The following DYNC1I1 variants were observed in gnomAD, a reference collection of about 807,000 sequenced individuals.
The protein encoded by DYNC1I1 is dynein cytoplasmic 1 intermediate chain 1.
A neutral mutation model predicts 86.6 loss-of-function variants in DYNC1I1; 43 were observed. That is an observed-to-expected ratio of 0.50 (90% confidence interval 0.39 to 0.64). The LOEUF is 0.64. Among genes scored for constraint, DYNC1I1 ranks in the 30% least tolerant of loss-of-function variants. The pLI is 0.00. For missense variants in DYNC1I1, 604 were observed against 788.8 expected, an observed-to-expected ratio of 0.77 and a Z score of 2.81; for synonymous variants, 262 against 283.7, an observed-to-expected ratio of 0.92 and a Z score of 0.77.
downstream of DYNC1I1, among the ~76,000 whole-genome samples, chr7:96,101,483 C>T (rs1791135762): frequency 6.6e-6 from 1 of 152,052 alleles, no homozygotes; most frequent in Non-Finnish European, 1.5e-5. Context: ...AGTCCTTCCC[C>T]AAAAGGACCT....
chr7:95,832,112 T>TC (rs1458662716), intron 5 of DYNC1I1, among the ~76,000 whole-genome samples: 1 of 75,554 alleles, frequency 1.3e-5, no homozygotes, highest in Non-Finnish European at 2.5e-5. Flanking sequence ...ATGCTATCCC[T>TC]CCCCCCTCCC....
chr7:95,810,338 A>G, intron 2 of DYNC1I1, 54 bp from the exon 3 acceptor site: 2 of 1,467,410 alleles, frequency 1.4e-6, no homozygotes. Flanking sequence ...TTCAGCCAGG[A>G]AAAGCATACA....
intron 1 of DYNC1I1, among the ~76,000 whole-genome samples, chr7:95,797,542 A>G (rs1039732173): frequency 2.6e-5 from 4 of 152,204 alleles, no homozygotes; most frequent in African/African-American, 4.8e-5. Flanking sequence ...TTCCAGTTAC[A>G]TTTTCCAAGT....
At chr7:95,813,093 C>CTTTTTTTTTTTTTTTTTTT in intron 3 of DYNC1I1, 154 bp from the exon 4 acceptor site, 2 of 1,114,302 alleles carry the variant, frequency 1.8e-6, no homozygotes, top group Non-Finnish European at 2.4e-6. Context: ...CTTTTCTTTC[C>CTTTTTTTTTTTTTTTTTTT]TTTTTTTTTT....
intron 10 of DYNC1I1, among the ~76,000 whole-genome samples, chr7:96,017,293 C>T (rs1290160352): frequency 6.6e-6 from 1 of 152,174 alleles, no homozygotes; most frequent in Non-Finnish European, 1.5e-5. Flanking sequence ...ATCTTCATCT[C>T]TTCCTGTTAT....
At chr7:96,002,622 G>A (rs188829139) in intron 10 of DYNC1I1, among the ~76,000 whole-genome samples, 50 of 152,254 alleles carry the variant, frequency 3.3e-4, no homozygotes, top group African/African-American at 1.1e-3. Flanking sequence ...TTCAAAATAT[G>A]TAGCAATCTT....
At chr7:96,064,076 T>C (rs1323141445) in intron 14 of DYNC1I1, among the ~76,000 whole-genome samples, 1 of 152,210 alleles carries the variant, frequency 6.6e-6, no homozygotes, top group Admixed American at 6.5e-5. Context: ...ATTTACTGAC[T>C]GGTGCAGGGT....
At position 96,098,178 on chromosome 7, in the gene DYNC1I1, C is replaced by A; in HGVS notation, c.*585C>A. The A allele has an allele frequency of 1.0e-6, 1 of 985,876 alleles. No individual in the cohort carries two copies. Among genetic ancestry groups the A allele is most frequent in the South Asian group, 4.7e-5 (1 of 21,286 alleles). 61.1% of individuals were successfully genotyped at this position (985,876 alleles called of 1,614,324 possible). A position where few individuals can be genotyped will look rare whatever the true frequency, so the allele number is the denominator to read the frequency against. Reference sequence around the variant, plus strand: ...TAATGAGAGGACTGTATTCTCTCTGCTGCTGTTGAGGTTATATTAAGTTCC... The same window carrying A: ...TAATGAGAGGACTGTATTCTCTCTGATGCTGTTGAGGTTATATTAAGTTCC... On this transcript the variant is annotated 3_prime_UTR_variant, in exon 17 of 17. Coordinates refer to ENST00000447467, the MANE Select transcript of DYNC1I1 (RefSeq NM_001135556.2).
rs375535790 is a variant in DYNC1I1 at position 95,879,896 on chromosome 7, C to T, written c.490+9898C>T. ...TTTTGATTGGATGTAACTAACTTAT[C>T]AATGGTTCTAAGCATGAAGAATTTG... On this transcript the variant is annotated intron_variant, in intron 6 of 16. Transcript: ENST00000447467. Among the ~76,000 whole-genome samples, 5 of 152,128 alleles carry T rather than the reference C, an allele frequency of 3.3e-5. No individual in the cohort carries two copies. The East Asian group carries it at 5.8e-4, about 18-fold the overall frequency.
intron 16 of DYNC1I1, among the ~76,000 whole-genome samples, chr7:96,085,805 A>T (rs2299290): frequency 0.03 from 4,628 of 152,340 alleles, 220 homozygotes; most frequent in East Asian, 0.23. Flanking sequence ...AGAAATCTCC[A>T]AACTATGGCT....
At chr7:95,790,597 T>G (rs1794274177) in intron 1 of DYNC1I1, among the ~76,000 whole-genome samples, 1 of 152,222 alleles carries the variant, frequency 6.6e-6, no homozygotes, top group South Asian at 2.1e-4. Flanking sequence ...TCCTCAGCTG[T>G]TATATTCTTT....
chr7:95,825,660 T>TA (rs1195020916), intron 4 of DYNC1I1, among the ~76,000 whole-genome samples: 2 of 152,232 alleles, frequency 1.3e-5, no homozygotes, highest in East Asian at 1.9e-4. Context: ...TGGAAAGCTT[T>TA]AAAAAACTAC....
intron 5 of DYNC1I1, among the ~76,000 whole-genome samples, chr7:95,839,135 A>G (rs989615202): frequency 1.3e-5 from 2 of 152,068 alleles, no homozygotes; most frequent in African/African-American, 4.8e-5. Context: ...GGTTCAAGCA[A>G]TTCTCCTGCC....
At chr7:95,827,128 G>A (rs1328226454) in intron 4 of DYNC1I1, among the ~76,000 whole-genome samples, 1 of 152,154 alleles carries the variant, frequency 6.6e-6, no homozygotes, top group East Asian at 1.9e-4. Context: ...ACAAAGGGAT[G>A]CAGGGGCTGA....
chr7:95,879,728 G>C (rs1477524871), intron 6 of DYNC1I1, among the ~76,000 whole-genome samples: 3 of 152,084 alleles, frequency 2.0e-5, no homozygotes, highest in Non-Finnish European at 2.9e-5. Flanking sequence ...TAGGCTTCAT[G>C]GGGGGTACAT....
At chr7:96,087,893 T>C (rs1273693714) in intron 16 of DYNC1I1, among the ~76,000 whole-genome samples, 2 of 152,224 alleles carry the variant, frequency 1.3e-5, no homozygotes. Context: ...AATATATTAA[T>C]TCATTTGTCA....
chr7:95,931,429 G>A (rs148586119), intron 6 of DYNC1I1, among the ~76,000 whole-genome samples: 2,576 of 152,018 alleles, frequency 0.017, 48 homozygotes, highest in South Asian at 0.099. Flanking sequence ...GATTACAGGC[G>A]TGAGCCACTG....
At chr7:96,031,492 C>G (rs985526540) in intron 11 of DYNC1I1, among the ~76,000 whole-genome samples, 21 of 152,088 alleles carry the variant, frequency 1.4e-4, no homozygotes, top group Admixed American at 4.6e-4. Flanking sequence ...GAAAAAACTC[C>G]CCCAGGATAC....
In DYNC1I1 at chr7:96,032,765, G is replaced by T. The variant is rs1794843451; in HGVS notation, c.1215G>T (p.Met405Ile). 6.2e-7 allele frequency: 1 copy of T among 1,613,090 alleles called. No individual in the cohort carries two copies. Among genetic ancestry groups the T allele is most frequent in the Admixed American group, 1.7e-5 (1 of 59,942 alleles). ...DGKMCSWSLD[M>I]LSTPQESMEL... ...AAATGTGTTCCTGGAGCCTGGACATGCTCTCAACTCCACAGGTGGGTTTGT... is the reference window on the plus strand; with the variant it reads ...AAATGTGTTCCTGGAGCCTGGACATTCTCTCAACTCCACAGGTGGGTTTGT... The change falls in exon 12 of 17, where the codon ATG becomes ATT. Residue 405 changes from methionine to isoleucine, a missense_variant. Met to Ile is a conservative substitution (Grantham distance 10). Transcript: ENST00000447467.
Sources: allele counts gnomAD v4.1 joint callset (sites outside exome capture counted in the v4.1 genomes callset), GRCh38; gene constraint gnomAD v4.1.1; transcripts MANE v1.5; gene names NCBI Gene and HGNC (gene_info 2026-07-23, HGNC 2026-07-21).